SYN3: variants seen among roughly 807,000 people sequenced by gnomAD.
SYN3 encodes the protein synapsin-3.
SYN3 carries 35 observed loss-of-function variants against 65.8 expected under a neutral mutation model. The ratio of observed to expected loss-of-function variants is 0.53; its 90% confidence interval spans 0.41 to 0.70. The LOEUF (loss-of-function observed/expected upper bound fraction) is 0.70, where lower values mean the gene tolerates loss of function less well. Among genes scored for constraint, SYN3 ranks in the 30% least tolerant of loss-of-function variants. The pLI is 0.00. For synonymous variants in SYN3, 270 were observed against 292.9 expected (o/e 0.92, Z 0.80); for missense variants, 680 against 749.0 (o/e 0.91, Z 1.08).
At chr22:32,686,448 A>C (rs1190678750) in intron 6 of SYN3, among the ~76,000 whole-genome samples, 1 of 150,610 alleles carries the variant, frequency 6.6e-6, no homozygotes, top group African/African-American at 2.4e-5. Flanking sequence ...GATTTACCAC[A>C]CTGATATGTG....
chr22:32,859,247 TCTC>T (rs2048466986), intron 6 of SYN3: 1 of 1,614,006 alleles, frequency 6.2e-7, no homozygotes, highest in Admixed American at 1.7e-5. Flanking sequence ...ACCGACATGC[TCTC>T]CAATTTCGGT....
intron 6 of SYN3, among the ~76,000 whole-genome samples, chr22:32,767,133 C>A (rs73395521): frequency 0.037 from 5,602 of 152,258 alleles, 342 homozygotes; most frequent in African/African-American, 0.13. Flanking sequence ...GGATGCTACA[C>A]ATGTTATTTG....
rs182103594 is a variant in SYN3 at position 33,036,266 on chromosome 22, T to C, written c.-163+22026A>G. On this transcript the variant is annotated intron_variant, in intron 1 of 13. Coordinates refer to ENST00000358763, the MANE Select transcript of SYN3 (RefSeq NM_003490.4). ...CTGAAGCTGCCTTCATAAACCTCGA[T>C]GATTGAGACTTATGCTTCAGTCACT... is the stretch of plus-strand genomic sequence containing the variant. Among the ~76,000 whole-genome samples, 5 of 152,346 alleles carry C rather than the reference T, an allele frequency of 3.3e-5. No homozygotes were observed. In the East Asian group the frequency reaches 9.6e-4, roughly 29 times the overall value.
At chr22:32,666,202 A>G (rs1009586076) in intron 6 of SYN3, among the ~76,000 whole-genome samples, 5 of 152,132 alleles carry the variant, frequency 3.3e-5, no homozygotes, top group African/African-American at 1.2e-4. Context: ...GTAATCTTTG[A>G]ATTGGTCTCA....
At chr22:32,824,509 A>G (rs1027474142) in intron 6 of SYN3, among the ~76,000 whole-genome samples, 1 of 152,096 alleles carries the variant, frequency 6.6e-6, no homozygotes, top group Non-Finnish European at 1.5e-5. Flanking sequence ...AGCTCACTGA[A>G]GAATCAGGGG....
intron 3 of SYN3, among the ~76,000 whole-genome samples, chr22:32,947,817 A>C (rs1425362769): frequency 2.0e-5 from 3 of 152,200 alleles, no homozygotes; most frequent in Non-Finnish European, 4.4e-5. Flanking sequence ...TCTCACTGCT[A>C]TATAGGTCAG....
chr22:32,555,597 A>G (rs2058483021), intron 7 of SYN3, among the ~76,000 whole-genome samples: 1 of 152,206 alleles, frequency 6.6e-6, no homozygotes, highest in Non-Finnish European at 1.5e-5. Flanking sequence ...TTTACAAATC[A>G]GTGAAAAGTC....
chr22:32,541,836 G>A, intron 7 of SYN3, 123 bp from the exon 8 acceptor site: 1 of 1,164,584 alleles, frequency 8.6e-7, no homozygotes, highest in South Asian at 1.5e-5. Flanking sequence ...CTGCTGGCAG[G>A]GGAGACAGAC....
At chr22:33,034,141 G>A (rs546522722) in intron 1 of SYN3, among the ~76,000 whole-genome samples, 6 of 150,758 alleles carry the variant, frequency 4.0e-5, no homozygotes, top group African/African-American at 1.5e-4. Flanking sequence ...AGTCGAGATT[G>A]TGCCACTGCT....
intron 12 of SYN3, among the ~76,000 whole-genome samples, chr22:32,525,643 G>A (rs182246398): frequency 1.1e-4 from 16 of 151,786 alleles, no homozygotes; most frequent in African/African-American, 2.7e-4. Flanking sequence ...CCGGGAAAGC[G>A]GAGTTTGCAG....
intron 1 of SYN3, among the ~76,000 whole-genome samples, chr22:33,041,363 T>A (rs1373898976): frequency 6.7e-6 from 1 of 150,244 alleles, no homozygotes; most frequent in Non-Finnish European, 1.5e-5. Flanking sequence ...CGATCTCGGC[T>A]CACTGCAAGC....
chr22:32,581,879 C>T (rs113713776), intron 7 of SYN3, among the ~76,000 whole-genome samples: 1,808 of 148,608 alleles, frequency 0.012, 33 homozygotes, highest in African/African-American at 0.041. Flanking sequence ...TCACTGCAAC[C>T]TCCGCTTCCT....
At chr22:33,038,694 GA>G (rs1410996985) in intron 1 of SYN3, among the ~76,000 whole-genome samples, 1 of 152,184 alleles carries the variant, frequency 6.6e-6, no homozygotes. Context: ...AGTGGAAGGA[GA>G]AATCCAACGT....
intron 7 of SYN3, among the ~76,000 whole-genome samples, chr22:32,543,493 G>A (rs1472704242): frequency 6.6e-6 from 1 of 152,110 alleles, no homozygotes; most frequent in East Asian, 1.9e-4. Flanking sequence ...GATGACTCCA[G>A]GTCTCAATTT....
At chr22:32,961,573 TTAAG>T (rs2051653768) in intron 3 of SYN3, among the ~76,000 whole-genome samples, 1 of 152,230 alleles carries the variant, frequency 6.6e-6, no homozygotes. Flanking sequence ...ACCATCCTGT[TTAAG>T]TAGCCTCGTA....
intron 6 of SYN3, among the ~76,000 whole-genome samples, chr22:32,847,867 C>T (rs1201650062): frequency 6.6e-6 from 1 of 152,220 alleles, no homozygotes; most frequent in African/African-American, 2.4e-5. Flanking sequence ...AGCCCCATTC[C>T]AATTCCTGTT....
At chr22:32,948,411 G>C (rs776564272) in intron 3 of SYN3, among the ~76,000 whole-genome samples, 5 of 152,106 alleles carry the variant, frequency 3.3e-5, no homozygotes, top group Non-Finnish European at 5.9e-5. Flanking sequence ...CTCTGTTATA[G>C]GTGCTAGATA....
chr22:33,027,621 AAGAC>A lies in SYN3; in HGVS notation c.-162-20801_-162-20798del, dbSNP rs1044280149. On this transcript the variant is annotated intron_variant, in intron 1 of 13. Transcript: ENST00000358763. The stretch of plus-strand genomic sequence containing the variant: ...AAAGAAAGAAAGAGAGAAAGAAGGA[AAGAC>A]AGACAGACAGACAGAGAGAGAGAGA... Among the ~76,000 whole-genome samples, 38 of 119,230 alleles carry A rather than the reference AAGAC, an allele frequency of 3.2e-4. No homozygotes were observed. In the East Asian group the frequency reaches 3.7e-3, roughly 12 times the overall value. The allele number at this position is 119,230 out of a possible 152,430, so 78.2% of individuals were successfully genotyped here.
intron 7 of SYN3, among the ~76,000 whole-genome samples, chr22:32,584,712 T>G (rs2058998670): frequency 6.6e-6 from 1 of 152,186 alleles, no homozygotes; most frequent in African/African-American, 2.4e-5. Context: ...TGGTGTACAC[T>G]GTCTTTAAAA....
Sources: allele counts gnomAD v4.1 joint callset (sites outside exome capture counted in the v4.1 genomes callset), GRCh38; gene constraint gnomAD v4.1.1; transcripts MANE v1.5; gene names NCBI Gene and HGNC (gene_info 2026-07-23, HGNC 2026-07-21).